Variants in MYCT1 observed in about 807,000 individuals in gnomAD.
MYCT1 encodes the protein myc target protein 1.
A neutral mutation model predicts 15.0 loss-of-function variants in MYCT1; 12 were observed. The observed-to-expected ratio is 0.80, with a 90% CI of 0.51 to 1.29. The LOEUF (loss-of-function observed/expected upper bound fraction) is 1.29, where lower values mean the gene tolerates loss of function less well. MYCT1 is among the 50% of genes most tolerant of loss of function. MYCT1 has a pLI of 0.00. For missense variants in MYCT1, 287 were observed against 279.1 expected (o/e 1.03, Z -0.20); for synonymous variants, 104 against 102.7 (o/e 1.01, Z -0.07).
chr6:152,704,982 T>C (rs1392679558), intron 1 of MYCT1, among the ~76,000 whole-genome samples: 2 of 152,106 alleles, frequency 1.3e-5, no homozygotes, highest in African/African-American at 4.8e-5. Context: ...AAACTGCATT[T>C]TTCTCTCAGC....
At chr6:152,713,729 G>T (rs1457689643) in intron 1 of MYCT1, among the ~76,000 whole-genome samples, 1 of 152,096 alleles carries the variant, frequency 6.6e-6, no homozygotes, top group Non-Finnish European at 1.5e-5. Flanking sequence ...AAAATTTGGG[G>T]ATTCTCCTCT....
At chr6:152,734,867 AATGT>A in the MYCT1 span, among the ~76,000 whole-genome samples, 1 of 152,186 alleles carries the variant, frequency 6.6e-6, no homozygotes, top group Non-Finnish European at 1.5e-5. Flanking sequence ...CTGGCAATTT[AATGT>A]ATTGTTTTTG....
chr6:152,704,151 C>T (rs1009515436), intron 1 of MYCT1, among the ~76,000 whole-genome samples: 3 of 151,884 alleles, frequency 2.0e-5, no homozygotes, highest in South Asian at 2.1e-4. Flanking sequence ...TGTATGTCAC[C>T]GCACCAGGCT....
At chr6:152,736,763 G>C in the MYCT1 span, among the ~76,000 whole-genome samples, 1,272 of 151,908 alleles carry the variant, frequency 8.4e-3, 19 homozygotes, top group African/African-American at 0.028. Flanking sequence ...CTTACTTCTC[G>C]GAATAAAAAA....
At chr6:152,698,206 G>A in intron 1 of MYCT1, 108 bp downstream of exon 1, 2 of 542,566 alleles carry the variant, frequency 3.7e-6, no homozygotes. Flanking sequence ...TTACTATAAT[G>A]TGATTACTTA....
intron 1 of MYCT1, among the ~76,000 whole-genome samples, chr6:152,717,334 C>A (rs945651681): frequency 1.3e-5 from 2 of 152,102 alleles, no homozygotes; most frequent in Non-Finnish European, 2.9e-5. Context: ...CTTAGAAATT[C>A]TTCTGTCAGC....
chr6:152,738,615 T>A, the MYCT1 span, among the ~76,000 whole-genome samples: 1 of 152,118 alleles, frequency 6.6e-6, no homozygotes, highest in Non-Finnish European at 1.5e-5. Flanking sequence ...ATGGAGCGAA[T>A]AATGCTTACT....
rs769947923 is a variant in MYCT1, at chr6:152,722,117, A to G, written c.572A>G (p.Asn191Ser). 2 of 1,613,880 alleles carry G rather than the reference A, an allele frequency of 1.2e-6. No homozygotes were observed. Among genetic ancestry groups the G allele is most frequent in the Admixed American group, 1.7e-5 (1 of 59,976 alleles). ...CAGCTGGTGACTCTCCCTTCTTCCA[A>G]TATCTCTCCCACCATCAGCACTTCC... ...ESQLVTLPSS[N>S]ISPTISTSHS... The change falls in exon 2 of 2, where the codon AAT becomes AGT. Residue 191 changes from asparagine (N) to serine (S), a missense_variant. Transcript: ENST00000367245.
the MYCT1 span, among the ~76,000 whole-genome samples, chr6:152,731,748 A>ATTTT: frequency 7.1e-6 from 1 of 140,440 alleles, no homozygotes; most frequent in African/African-American, 2.6e-5. Context: ...AGAGAACGCC[A>ATTTT]TTTTTTTTTT....
At chr6:152,741,644 T>C in the MYCT1 span, among the ~76,000 whole-genome samples, 1 of 152,192 alleles carries the variant, frequency 6.6e-6, no homozygotes, top group African/African-American at 2.4e-5. Flanking sequence ...TCATAGAATT[T>C]AAAAATTGTA....
Position 152,705,865 on chromosome 6 carries a change from G to C in MYCT1, c.196+7767G>C, listed in dbSNP as rs553750139. The C allele has an allele frequency of 4.2e-5, 31 of 729,854 alleles. No individual in the cohort carries two copies. In the African/African-American group the frequency reaches 4.9e-4, roughly 12 times the overall value. 45.2% of individuals were successfully genotyped at this position (729,854 alleles called of 1,614,324 possible). On this transcript the variant is annotated intron_variant, in intron 1 of 1. Transcript: ENST00000367245. ...ATTGCTAAGAATGCAAGTGTTGAAA[G>C]ATCTTTGATTGTTGAGAAAATTATG...
chr6:152,707,267 A>AT (rs1356552794), intron 1 of MYCT1, among the ~76,000 whole-genome samples: 1 of 151,866 alleles, frequency 6.6e-6, no homozygotes, highest in Admixed American at 6.6e-5. Context: ...TATGTTGAGC[A>AT]TTTTTTCATC....
In MYCT1 at chr6:152,721,712, T is replaced by G. The variant is rs757182509; in HGVS notation, c.197-30T>G. The stretch of plus-strand genomic sequence containing the variant: ...TTTAGTTGAAAACCTATTTAAAAAT[T>G]GATTTAGCAATTTGTTTTCTTTGTT... On this transcript the variant is annotated intron_variant, in intron 1 of 1. Transcript: ENST00000367245. The G allele has an allele frequency of 1.1e-5, 17 of 1,581,758 alleles. No homozygotes were observed. In the East Asian group the frequency reaches 2.9e-4, roughly 27 times the overall value.
chr6:152,727,006 T>C (rs566319738), downstream of MYCT1, among the ~76,000 whole-genome samples: 49 of 152,116 alleles, frequency 3.2e-4, no homozygotes, highest in African/African-American at 1.1e-3. Context: ...GGGCTGGAGT[T>C]TGAAACCAGC....
the MYCT1 span, among the ~76,000 whole-genome samples, chr6:152,734,406 G>GT: frequency 6.6e-6 from 1 of 152,162 alleles, no homozygotes; most frequent in Non-Finnish European, 1.5e-5. Flanking sequence ...AGATGCTCAT[G>GT]TGTGTTAAAC....
At chr6:152,742,963 C>CCTTCTCTA in the MYCT1 span, among the ~76,000 whole-genome samples, 4 of 152,104 alleles carry the variant, frequency 2.6e-5, no homozygotes, top group Non-Finnish European at 5.9e-5. Context: ...GCACCCTGTG[C>CCTTCTCTA]CTTCTCTATC....
chr6:152,715,647 A>G (rs2099723505), intron 1 of MYCT1, among the ~76,000 whole-genome samples: 1 of 152,232 alleles, frequency 6.6e-6, no homozygotes, highest in South Asian at 2.1e-4. Context: ...TTTAGGCTTC[A>G]GAGGTGGGAC....
At chr6:152,715,948 T>A (rs2099723580) in intron 1 of MYCT1, among the ~76,000 whole-genome samples, 1 of 152,190 alleles carries the variant, frequency 6.6e-6, no homozygotes, top group Admixed American at 6.5e-5. Context: ...GCATTTGTTT[T>A]TACTCTGGGA....
At chr6:152,707,154 T>G (rs1165685966) in intron 1 of MYCT1, among the ~76,000 whole-genome samples, 1 of 152,110 alleles carries the variant, frequency 6.6e-6, no homozygotes, top group Non-Finnish European at 1.5e-5. Context: ...CTCCACATCC[T>G]CACCAGCACT....
Sources: allele counts gnomAD v4.1 joint callset (sites outside exome capture counted in the v4.1 genomes callset), GRCh38; gene constraint gnomAD v4.1.1; transcripts MANE v1.5; gene names NCBI Gene and HGNC (gene_info 2026-07-23, HGNC 2026-07-21).